RARB: variants seen among roughly 807,000 people sequenced by gnomAD.
The protein encoded by RARB is retinoic acid receptor beta.
A neutral mutation model predicts 51.9 loss-of-function variants in RARB; 17 were observed. The observed-to-expected ratio is 0.33, with a 90% CI of 0.22 to 0.49. The LOEUF is 0.49. Among genes scored for constraint, RARB ranks in the 20% least tolerant of loss-of-function variants. RARB has a pLI of 0.99. For synonymous variants in RARB, 215 were observed against 195.4 expected (o/e 1.10, Z -0.84); for missense variants, 369 against 550.8 (o/e 0.67, Z 3.30).
At chr3:24,830,153 T>C (rs865883548) in intron 1 of RARB, among the ~76,000 whole-genome samples, 8 of 152,006 alleles carry the variant, frequency 5.3e-5, no homozygotes, top group African/African-American at 1.9e-4. Context: ...CGCGAAGGGG[T>C]TCTTGCTGTG....
chr3:24,914,812 C>A, intron 2 of RARB, among the ~76,000 whole-genome samples: 1 of 152,130 alleles, frequency 6.6e-6, no homozygotes, highest in South Asian at 2.1e-4. Flanking sequence ...ACAGAGGGTC[C>A]ACCGTACAAT....
At chr3:24,933,651 G>A (rs1695488414) in intron 2 of RARB, among the ~76,000 whole-genome samples, 1 of 152,072 alleles carries the variant, frequency 6.6e-6, no homozygotes, top group Non-Finnish European at 1.5e-5. Flanking sequence ...AGCACTCAGA[G>A]AAAGAAACAA....
chr3:25,000,689 T>A (rs574449482), intron 2 of RARB, among the ~76,000 whole-genome samples: 2 of 152,286 alleles, frequency 1.3e-5, no homozygotes, highest in East Asian at 1.9e-4. Flanking sequence ...GTGCTTTCTT[T>A]CATTCATCAT....
rs559245006 is a variant in RARB at position 25,394,616 on chromosome 3, T to C, written c.179-66577T>C. The stretch of plus-strand genomic sequence containing the variant: ...GGCATATATATTTAGGATTGTGATA[T>C]TTTCCTATGGAAGTAATCTTTTTAT... On this transcript the variant is annotated intron_variant, in intron 5 of 11. Coordinates refer to the RARB transcript ENST00000383772. 5.9e-5 allele frequency among the ~76,000 whole-genome samples: 9 copies of C among 152,276 alleles called. No individual in the cohort carries two copies. In the East Asian group the frequency reaches 1.7e-3, roughly 29 times the overall value.
intron 2 of RARB, among the ~76,000 whole-genome samples, chr3:24,893,034 T>C (rs1156507815): frequency 6.6e-6 from 1 of 152,234 alleles, no homozygotes; most frequent in Non-Finnish European, 1.5e-5. Flanking sequence ...ACCAGACATG[T>C]ATAATACTAG....
chr3:25,059,294 T>G (rs952288050), intron 2 of RARB, among the ~76,000 whole-genome samples: 1 of 151,770 alleles, frequency 6.6e-6, no homozygotes, highest in African/African-American at 2.4e-5. Context: ...TCCTTGCTTT[T>G]AATTATTTCC....
At chr3:25,290,931 C>G (rs541029315) in intron 5 of RARB, among the ~76,000 whole-genome samples, 1 of 152,106 alleles carries the variant, frequency 6.6e-6, no homozygotes, top group African/African-American at 2.4e-5. Context: ...CGCCAGTGTT[C>G]GAGCCCTCTC....
intron 2 of RARB, among the ~76,000 whole-genome samples, chr3:25,031,680 G>A (rs1220350122): frequency 6.6e-6 from 1 of 152,186 alleles, no homozygotes; most frequent in Non-Finnish European, 1.5e-5. Context: ...TAGTGACCCA[G>A]GGAAGGGAAC....
chr3:25,030,472 G>A (rs1697847757), intron 2 of RARB, among the ~76,000 whole-genome samples: 1 of 152,146 alleles, frequency 6.6e-6, no homozygotes, highest in African/African-American at 2.4e-5. Flanking sequence ...TTTTAATAAT[G>A]GTGATGTCAA....
At chr3:25,181,119 A>T (rs577049359) in intron 5 of RARB, among the ~76,000 whole-genome samples, 2 of 152,168 alleles carry the variant, frequency 1.3e-5, no homozygotes, top group East Asian at 3.9e-4. Flanking sequence ...TATTGAGGGG[A>T]CACACAGGTT....
At chr3:25,291,954 G>T (rs1254270890) in intron 5 of RARB, among the ~76,000 whole-genome samples, 1 of 151,940 alleles carries the variant, frequency 6.6e-6, no homozygotes, top group Non-Finnish European at 1.5e-5. Context: ...CTCTTATGGG[G>T]ATTGACAGAA....
chr3:25,588,458 A>G (rs1211415004), intron 5 of RARB, among the ~76,000 whole-genome samples: 8 of 152,194 alleles, frequency 5.3e-5, no homozygotes, highest in Non-Finnish European at 1.2e-4. Context: ...GAATGCCTTA[A>G]GCTGTACTCG....
chr3:25,130,605 C>T (rs1220404348), intron 3 of RARB, among the ~76,000 whole-genome samples: 1 of 151,638 alleles, frequency 6.6e-6, no homozygotes, highest in Non-Finnish European at 1.5e-5. Flanking sequence ...CCTATTAATC[C>T]TTAGTATATT....
At chr3:25,263,888 C>G (rs1023429996) in intron 5 of RARB, among the ~76,000 whole-genome samples, 1 of 152,144 alleles carries the variant, frequency 6.6e-6, no homozygotes, top group Non-Finnish European at 1.5e-5. Flanking sequence ...CTCAGCAGTT[C>G]TGAAGGGGGA....
In RARB at chr3:25,517,485, G is replaced by A. The variant is rs114560597; in HGVS notation, c.448+16162G>A. Among the ~76,000 whole-genome samples, 847 of 152,204 alleles carry A rather than the reference G, an allele frequency of 5.6e-3. 5 individuals are homozygous for A. Among genetic ancestry groups the A allele is most frequent in the African/African-American group, 0.019 (804 of 41,538 alleles). On this transcript the variant is annotated intron_variant, in intron 3 of 7. Coordinates refer to ENST00000330688, the MANE Select transcript of RARB (RefSeq NM_000965.5). The stretch of plus-strand genomic sequence containing the variant: ...TTAAGAGGGCTGTAATAAGAAAGAC[G>A]AGCAATAACAAATGTTAGGAAGATG...
intron 2 of RARB, among the ~76,000 whole-genome samples, chr3:25,054,836 G>A (rs1698405655): frequency 6.6e-6 from 1 of 152,174 alleles, no homozygotes; most frequent in Non-Finnish European, 1.5e-5. Flanking sequence ...AAGGCCAAGA[G>A]GAGCTGAGAG....
intron 5 of RARB, among the ~76,000 whole-genome samples, chr3:25,293,694 T>C (rs1703846990): frequency 6.7e-6 from 1 of 150,120 alleles, no homozygotes; most frequent in South Asian, 2.2e-4. Flanking sequence ...CTAGTATCTC[T>C]ATCTTTGCTT....
chr3:25,301,907 G>A (rs775307217), intron 5 of RARB, among the ~76,000 whole-genome samples: 1 of 152,186 alleles, frequency 6.6e-6, no homozygotes, highest in Non-Finnish European at 1.5e-5. Flanking sequence ...AGAGGCCCAA[G>A]TAATTGCCAC....
chr3:25,331,243 C>T (rs1704885867), intron 5 of RARB, among the ~76,000 whole-genome samples: 1 of 152,194 alleles, frequency 6.6e-6, no homozygotes, highest in Non-Finnish European at 1.5e-5. Context: ...CACCACATCG[C>T]ACTTATTCCA....
Sources: allele counts gnomAD v4.1 joint callset (sites outside exome capture counted in the v4.1 genomes callset), GRCh38; gene constraint gnomAD v4.1.1; transcripts MANE v1.5; gene names NCBI Gene and HGNC (gene_info 2026-07-23, HGNC 2026-07-21).